Variants in DENND1B observed in about 807,000 individuals in gnomAD.
DENND1B encodes the protein DENN domain containing 1B, also known as DENN domain-containing protein 1B.
A neutral mutation model predicts 90.1 loss-of-function variants in DENND1B; 59 were observed. The ratio of observed to expected loss-of-function variants is 0.65; its 90% CI spans 0.53 to 0.81. The LOEUF is 0.81. Among genes scored for constraint, DENND1B ranks in the 40% least tolerant of loss-of-function variants. The pLI, the probability that DENND1B is intolerant of heterozygous loss-of-function variation, is 0.00. For synonymous variants in DENND1B, 337 were observed against 324.6 expected (o/e 1.04, Z -0.41); for missense variants, 862 against 912.6 (o/e 0.94, Z 0.71).
intron 10 of DENND1B, 37 bp from the exon 11 acceptor site, chr1:197,617,796 G>A: frequency 1.4e-6 from 2 of 1,461,412 alleles, no homozygotes; most frequent in Non-Finnish European, 1.9e-6. Flanking sequence ...ATAAGTAGCT[G>A]CTGACCTTCC....
At chr1:197,685,144 A>C (rs935051381) in intron 3 of DENND1B, among the ~76,000 whole-genome samples, 2 of 151,998 alleles carry the variant, frequency 1.3e-5, no homozygotes, top group Admixed American at 6.6e-5. Context: ...CAAAACAAAA[A>C]CTGAAGCAAA....
chr1:197,607,270 G>C, intron 12 of DENND1B, 96 bp from the exon 13 acceptor site: 1 of 781,736 alleles, frequency 1.3e-6, no homozygotes, highest in Non-Finnish European at 1.8e-6. Flanking sequence ...TAATGCATTA[G>C]GCTTGGGAAA....
chr1:197,731,408 A>T (rs1172834974), intron 2 of DENND1B, among the ~76,000 whole-genome samples: 1 of 152,194 alleles, frequency 6.6e-6, no homozygotes, highest in Non-Finnish European at 1.5e-5. Context: ...ATTCCCATTT[A>T]GGTTGTCCTA....
chr1:197,608,580 C>T (rs1558301344), intron 12 of DENND1B, among the ~76,000 whole-genome samples: 1 of 150,450 alleles, frequency 6.6e-6, no homozygotes. Flanking sequence ...TGTGAAAAAA[C>T]ATGTCATAAT....
chr1:197,765,881 T>C (rs887468689), intron 2 of DENND1B, among the ~76,000 whole-genome samples: 1 of 152,206 alleles, frequency 6.6e-6, no homozygotes, highest in East Asian at 1.9e-4. Flanking sequence ...ATGAAAGTAA[T>C]AATCAACAAA....
chr1:197,689,958 T>A (rs1657681268), intron 3 of DENND1B: 1 of 153,980 alleles, frequency 6.5e-6, no homozygotes, highest in African/African-American at 2.4e-5. Context: ...AAGCTCTGAA[T>A]TGCATCCTAC....
intron 2 of DENND1B, among the ~76,000 whole-genome samples, chr1:197,729,739 G>A (rs1661983460): frequency 6.6e-6 from 1 of 152,086 alleles, no homozygotes; most frequent in African/African-American, 2.4e-5. Context: ...TTTGGTCTCA[G>A]GACTGATTTA....
chr1:197,588,790 C>T (rs552025102), intron 14 of DENND1B, among the ~76,000 whole-genome samples: 23 of 152,222 alleles, frequency 1.5e-4, no homozygotes, highest in South Asian at 1.0e-3. Context: ...ACTCTACTTT[C>T]AGAGTATATT....
intron 19 of DENND1B, among the ~76,000 whole-genome samples, chr1:197,540,555 T>C (rs2125655263): frequency 6.6e-6 from 1 of 152,268 alleles, no homozygotes; most frequent in South Asian, 2.1e-4. Context: ...ACATTCTTCA[T>C]TTTAAAGTAA....
intron 20 of DENND1B, among the ~76,000 whole-genome samples, chr1:197,537,841 T>A (rs898696531): frequency 6.6e-6 from 1 of 152,048 alleles, no homozygotes; most frequent in South Asian, 2.1e-4. Context: ...ATATAATTAA[T>A]AACAGAGTAC....
chr1:197,558,991 A>G (rs1671940429), intron 15 of DENND1B, among the ~76,000 whole-genome samples: 1 of 151,980 alleles, frequency 6.6e-6, no homozygotes, highest in South Asian at 2.1e-4. Context: ...AATATAAAGA[A>G]TATGTTTTGA....
chr1:197,656,705 A>C (rs1653866203), intron 6 of DENND1B, among the ~76,000 whole-genome samples: 1 of 151,930 alleles, frequency 6.6e-6, no homozygotes, highest in Admixed American at 6.6e-5. Flanking sequence ...TGGGAGACTG[A>C]GGTGAGTGGA....
rs548049042 is a variant in DENND1B, at chr1:197,514,373, C to T, written c.1516-1420G>A. Among the ~76,000 whole-genome samples, 172 of 151,414 alleles carry T rather than the reference C, an allele frequency of 1.1e-3. 1 individual carries two copies. In the East Asian group the frequency reaches 0.014, roughly 13 times the overall value. ...ATCTCTAAAGGCAAGTCATGAGGGT[C>T]TTTTTTTTAAATTCCCATTATTAGT... On this transcript the variant is annotated intron_variant, in intron 20 of 22. Transcript: ENST00000620048.
chr1:197,661,226 C>T (rs1468482092), intron 5 of DENND1B, among the ~76,000 whole-genome samples: 2 of 151,854 alleles, frequency 1.3e-5, no homozygotes, highest in African/African-American at 2.4e-5. Flanking sequence ...CAAATAAAAC[C>T]CTTAAAAATT....
chr1:197,638,592 CT>C (rs1679995520), intron 10 of DENND1B, among the ~76,000 whole-genome samples: 1 of 152,190 alleles, frequency 6.6e-6, no homozygotes, highest in South Asian at 2.1e-4. Context: ...TTGAGAACCA[CT>C]GACATGGCTT....
upstream of DENND1B, among the ~76,000 whole-genome samples, chr1:197,780,146 A>G (rs937006982): frequency 1.1e-4 from 17 of 152,050 alleles, no homozygotes; most frequent in African/African-American, 3.1e-4. Flanking sequence ...ACTATGCTCC[A>G]TTGTTTGAGA....
In DENND1B at chr1:197,593,049, A is replaced by AT. The variant is rs1217086865; in HGVS notation, c.1047+2158dup. ...TTGATATAAAATATTTTTGGTTGAT[A>AT]TTAAAAAAAGGTCTAAGTAAAGAGA... On this transcript the variant is annotated intron_variant, in intron 14 of 22. Coordinates refer to ENST00000620048, the MANE Select transcript of DENND1B (RefSeq NM_001195215.2). Among the ~76,000 whole-genome samples the AT allele has an allele frequency of 6.6e-5, 10 of 152,150 alleles. 1 individual carries two copies. Among genetic ancestry groups the AT allele is most frequent in the East Asian group, 5.8e-4 (3 of 5,186 alleles).
At chr1:197,734,773 C>G (rs900059697) in intron 2 of DENND1B, 7 of 983,420 alleles carry the variant, frequency 7.1e-6, no homozygotes, top group Non-Finnish European at 8.4e-6. Flanking sequence ...AATTGATTTC[C>G]CAAATTTTAG....
At chr1:197,536,138 T>TGAGAGAG (rs1558211727) in intron 20 of DENND1B, among the ~76,000 whole-genome samples, 4 of 88,942 alleles carry the variant, frequency 4.5e-5, no homozygotes, top group Admixed American at 1.2e-4. Flanking sequence ...GAGAGAGAGA[T>TGAGAGAG]TGAGAGAGAG....
Sources: gnomAD v4.1 joint callset for allele counts (sites outside exome capture counted in the v4.1 genomes callset) on GRCh38, gnomAD v4.1.1 for gene constraint, MANE v1.5 for transcripts, NCBI Gene and HGNC (gene_info 2026-07-23, HGNC 2026-07-21) for gene names.